MAGI1: variants seen among roughly 807,000 people sequenced by gnomAD.
MAGI1 encodes membrane associated guanylate kinase, WW and PDZ domain containing 1, also known as membrane-associated guanylate kinase, WW and PDZ domain-containing protein 1.
Under a neutral mutation model 139.9 loss-of-function variants are expected in MAGI1, and 58 were observed. The ratio of observed to expected loss-of-function variants is 0.41; its 90% CI spans 0.34 to 0.52. The LOEUF is 0.52. Ranked by LOEUF, MAGI1 falls within the 20% of genes least tolerant of loss-of-function variation. MAGI1 has a pLI of 0.12. For missense variants in MAGI1, 1,874 were observed against 1,901.6 expected (o/e 0.99, Z 0.27); for synonymous variants, 812 against 737.9 (o/e 1.10, Z -1.63).
intron 1 of MAGI1, among the ~76,000 whole-genome samples, chr3:65,817,006 A>G (rs1307958166): frequency 6.6e-6 from 1 of 152,244 alleles, no homozygotes; most frequent in Non-Finnish European, 1.5e-5. Flanking sequence ...ATTGTAGTCA[A>G]TCATACATGC....
At chr3:65,801,915 G>T (rs2040537276) in intron 1 of MAGI1, among the ~76,000 whole-genome samples, 1 of 152,112 alleles carries the variant, frequency 6.6e-6, no homozygotes, top group South Asian at 2.1e-4. Flanking sequence ...CTCCTGAGCT[G>T]GGCCTCCTGT....
At chr3:66,013,899 A>G (rs1210627031) in intron 1 of MAGI1, among the ~76,000 whole-genome samples, 6 of 152,214 alleles carry the variant, frequency 3.9e-5, no homozygotes, top group Admixed American at 3.9e-4. Context: ...TATTTAAGTA[A>G]AACGGAGATA....
At chr3:65,462,217 G>A (rs1388457926) in intron 5 of MAGI1, among the ~76,000 whole-genome samples, 1 of 152,192 alleles carries the variant, frequency 6.6e-6, no homozygotes, top group Non-Finnish European at 1.5e-5. Context: ...GAAAGGTATT[G>A]CCTAGATTTT....
intron 2 of MAGI1, among the ~76,000 whole-genome samples, chr3:65,568,935 G>A (rs2108057637): frequency 6.6e-6 from 1 of 152,294 alleles, no homozygotes; most frequent in South Asian, 2.1e-4. Context: ...ATATAGAGCA[G>A]TTGACATCAA....
intron 1 of MAGI1, among the ~76,000 whole-genome samples, chr3:65,929,194 T>A (rs2062673539): frequency 6.6e-6 from 1 of 152,078 alleles, no homozygotes. Flanking sequence ...ACAATGAACC[T>A]GTTTGTAGAG....
At chr3:65,533,120 C>T (rs2107859208) in intron 2 of MAGI1, among the ~76,000 whole-genome samples, 1 of 152,270 alleles carries the variant, frequency 6.6e-6, no homozygotes, top group East Asian at 1.9e-4. Flanking sequence ...AATGCAATCC[C>T]TATTTTTTGA....
chr3:65,549,598 G>T, intron 2 of MAGI1: 1 of 452,128 alleles, frequency 2.2e-6, no homozygotes, highest in Non-Finnish European at 2.9e-6. Flanking sequence ...GCGTCAATGC[G>T]CGCTATTCAC....
At chr3:65,412,792 C>A (rs1262185536) in intron 12 of MAGI1, among the ~76,000 whole-genome samples, 1 of 152,134 alleles carries the variant, frequency 6.6e-6, no homozygotes, top group Non-Finnish European at 1.5e-5. Context: ...CTCACAACTG[C>A]CTCACTCAGC....
chr3:65,796,118 G>A (rs571917373), intron 1 of MAGI1, among the ~76,000 whole-genome samples: 25 of 151,848 alleles, frequency 1.6e-4, no homozygotes, highest in African/African-American at 4.3e-4. Context: ...GGAGGATGGC[G>A]AGTCCAAAAT....
chr3:65,767,837 C>G (rs771278471), intron 1 of MAGI1, among the ~76,000 whole-genome samples: 1 of 152,170 alleles, frequency 6.6e-6, no homozygotes, highest in Admixed American at 6.5e-5. Context: ...CTGCTTTAAC[C>G]CTTACAGGAA....
intron 1 of MAGI1, among the ~76,000 whole-genome samples, chr3:65,646,188 G>C (rs1329362754): frequency 6.6e-6 from 1 of 150,444 alleles, no homozygotes; most frequent in African/African-American, 2.5e-5. Flanking sequence ...TATAGGCATG[G>C]TGAAAGTGAA....
chr3:65,940,148 G>C (rs1428846960), intron 1 of MAGI1, among the ~76,000 whole-genome samples: 1 of 152,136 alleles, frequency 6.6e-6, no homozygotes, highest in Admixed American at 6.5e-5. Context: ...ATAACACCCA[G>C]GGGAGTGTTC....
At chr3:65,889,645 G>A (rs2060662832) in intron 1 of MAGI1, among the ~76,000 whole-genome samples, 1 of 152,168 alleles carries the variant, frequency 6.6e-6, no homozygotes, top group Non-Finnish European at 1.5e-5. Flanking sequence ...AGTTTAACTT[G>A]GGAGGCCTTA....
chr3:65,401,383 GCCCC>G, intron 13 of MAGI1, 52 bp downstream of exon 13: 1 of 433,080 alleles, frequency 2.3e-6, no homozygotes, highest in Non-Finnish European at 4.1e-6. Context: ...CCCACCTCCA[GCCCC>G]CCACCATCCA....
At chr3:65,401,195 A>T (rs930244932) in intron 13 of MAGI1, among the ~76,000 whole-genome samples, 2 of 152,272 alleles carry the variant, frequency 1.3e-5, no homozygotes, top group South Asian at 2.1e-4. Flanking sequence ...GATTTCAAAC[A>T]TGCATTCTTT....
At chr3:65,530,674 C>CGTGT (rs1381709373) in intron 2 of MAGI1, among the ~76,000 whole-genome samples, 2,061 of 123,038 alleles carry the variant, frequency 0.017, 113 homozygotes, top group African/African-American at 0.065. Flanking sequence ...TATATATATA[C>CGTGT]ATATATATAT....
At chr3:65,818,217 C>T (rs2041731541) in intron 1 of MAGI1, among the ~76,000 whole-genome samples, 1 of 152,198 alleles carries the variant, frequency 6.6e-6, no homozygotes, top group Admixed American at 6.5e-5. Context: ...TTATCACATA[C>T]ATTTTTCTAC....
chr3:65,651,817 T>C (rs1032337322), intron 1 of MAGI1, among the ~76,000 whole-genome samples: 3 of 152,148 alleles, frequency 2.0e-5, no homozygotes, highest in Non-Finnish European at 4.4e-5. Flanking sequence ...ATTTGGCCTA[T>C]AAGTCAACCT....
At chr3:65,729,756 C>T (rs543598297) in intron 1 of MAGI1, among the ~76,000 whole-genome samples, 1 of 152,298 alleles carries the variant, frequency 6.6e-6, no homozygotes, top group African/African-American at 2.4e-5. Flanking sequence ...CCAGAGTCTC[C>T]CAAGAGAATC....
Sources: allele counts gnomAD v4.1 joint callset (sites outside exome capture counted in the v4.1 genomes callset), GRCh38; gene constraint gnomAD v4.1.1; transcripts MANE v1.5; gene names NCBI Gene and HGNC (gene_info 2026-07-23, HGNC 2026-07-21).